Variants in MARCHF1 observed in about 807,000 individuals in gnomAD.
The protein encoded by MARCHF1 is membrane associated ring-CH-type finger 1.
A neutral mutation model predicts 54.2 loss-of-function variants in MARCHF1; 40 were observed. The ratio of observed to expected loss-of-function variants is 0.74; its 90% CI spans 0.57 to 0.96. The LOEUF is 0.96. Among genes scored for constraint, MARCHF1 ranks in the 40% least tolerant of loss-of-function variants. MARCHF1 has a pLI of 0.00. For synonymous variants in MARCHF1, 236 were observed against 236.3 expected, an observed-to-expected ratio of 1.00 and a Z score of 0.01; for missense variants, 586 against 656.5, an observed-to-expected ratio of 0.89 and a Z score of 1.17.
chr4:164,225,545 A>G (rs1732227736), intron 1 of MARCHF1, among the ~76,000 whole-genome samples: 1 of 152,078 alleles, frequency 6.6e-6, no homozygotes, highest in South Asian at 2.1e-4. Context: ...CTTTTAGGTC[A>G]TCCTACAGTG....
At chr4:164,374,815 T>C (rs750138722) in intron 1 of MARCHF1, among the ~76,000 whole-genome samples, 5 of 152,126 alleles carry the variant, frequency 3.3e-5, no homozygotes, top group African/African-American at 7.2e-5. Flanking sequence ...AAATAAGACA[T>C]ACTCATGAGG....
chr4:164,006,398 G>A (rs998241164), intron 2 of MARCHF1, among the ~76,000 whole-genome samples: 1 of 151,952 alleles, frequency 6.6e-6, no homozygotes, highest in Non-Finnish European at 1.5e-5. Context: ...TTGAAGACTA[G>A]CTATGTGAAA....
rs564397441 is a variant in MARCHF1 at position 163,623,011 on chromosome 4, A to T, written c.163-9618T>A. Among the ~76,000 whole-genome samples the T allele has an allele frequency of 3.0e-4, 46 of 152,266 alleles. No homozygotes were observed. In the East Asian group the frequency reaches 6.4e-3, roughly 21 times the overall value. Reference sequence around the variant, plus strand: ...CAGGAGACATTTCCTACTGAAACATACAGTTGGAAAGAGAGTTGGAATAAT... The same window carrying T: ...CAGGAGACATTTCCTACTGAAACATTCAGTTGGAAAGAGAGTTGGAATAAT... On this transcript the variant is annotated intron_variant, in intron 5 of 9. Transcript: ENST00000514618.
chr4:164,300,319 G>T (rs1394069959), intron 1 of MARCHF1, among the ~76,000 whole-genome samples: 1 of 152,046 alleles, frequency 6.6e-6, no homozygotes, highest in Non-Finnish European at 1.5e-5. Context: ...ATACTTATGG[G>T]AGTTTATTTC....
intron 1 of MARCHF1, among the ~76,000 whole-genome samples, chr4:164,214,754 G>A (rs1731879091): frequency 6.6e-6 from 1 of 152,116 alleles, no homozygotes; most frequent in Non-Finnish European, 1.5e-5. Flanking sequence ...ACTCAATAAT[G>A]CCTATAATGT....
chr4:163,598,735 G>A (rs572976445), intron 7 of MARCHF1, among the ~76,000 whole-genome samples: 154 of 152,302 alleles, frequency 1.0e-3, no homozygotes, highest in African/African-American at 3.5e-3. Flanking sequence ...GTGAGTAAAC[G>A]TGAAGGCCTA....
chr4:164,108,078 G>T (rs1755746648), intron 2 of MARCHF1, among the ~76,000 whole-genome samples: 1 of 151,820 alleles, frequency 6.6e-6, no homozygotes, highest in Admixed American at 6.6e-5. Flanking sequence ...CAATTTATCA[G>T]AAAGTGATAG....
chr4:163,599,789 G>A (rs964628367), intron 7 of MARCHF1, among the ~76,000 whole-genome samples: 3 of 152,222 alleles, frequency 2.0e-5, no homozygotes, highest in East Asian at 1.9e-4. Context: ...AAAAACTTCC[G>A]AGGTGATTTT....
intron 3 of MARCHF1, among the ~76,000 whole-genome samples, chr4:163,975,229 C>CTTCCTATT (rs1560843964): frequency 6.6e-6 from 1 of 151,416 alleles, no homozygotes. Context: ...CACACACACA[C>CTTCCTATT]TTCCTATTGT....
intron 2 of MARCHF1, among the ~76,000 whole-genome samples, chr4:164,050,723 A>T (rs2111042375): frequency 1.3e-5 from 2 of 152,338 alleles, no homozygotes; most frequent in South Asian, 4.1e-4. Context: ...ACCTGAGGTC[A>T]GGAGTTCGAG....
At chr4:163,885,571 C>G (rs1047226574) in intron 3 of MARCHF1, among the ~76,000 whole-genome samples, 1 of 152,092 alleles carries the variant, frequency 6.6e-6, no homozygotes, top group African/African-American at 2.4e-5. Context: ...TGTCCTCTAT[C>G]ATCAGCAGTG....
At chr4:164,169,115 T>C (rs1348667819) in intron 1 of MARCHF1, among the ~76,000 whole-genome samples, 1 of 152,100 alleles carries the variant, frequency 6.6e-6, no homozygotes, top group Non-Finnish European at 1.5e-5. Context: ...AAAGTAACTA[T>C]GTGAGATAAT....
At chr4:164,191,156 G>T (rs1159234613) in intron 1 of MARCHF1, among the ~76,000 whole-genome samples, 1 of 152,164 alleles carries the variant, frequency 6.6e-6, no homozygotes, top group Admixed American at 6.5e-5. Context: ...ACAAGATTCG[G>T]AGTATGGATT....
chr4:163,918,557 G>A (rs1262994100), intron 3 of MARCHF1, among the ~76,000 whole-genome samples: 1 of 152,050 alleles, frequency 6.6e-6, no homozygotes, highest in Non-Finnish European at 1.5e-5. Context: ...TAGAGATTAA[G>A]TGATGAGGAA....
rs569102108 is a variant in MARCHF1, at chr4:163,700,649, T to A, written c.162+164A>T. ...AGCCTACTTATTTTCTTGCGTAAAA[T>A]CATGTCTTCTTATTACAGTAAAAGC... On this transcript the variant is annotated intron_variant, in intron 5 of 9. Transcript: ENST00000514618. Among the ~76,000 whole-genome samples the A allele has an allele frequency of 7.9e-5, 12 of 152,212 alleles. 1 individual carries two copies. The highest frequency in any genetic ancestry group is 2.6e-4 in the African/African-American group (11 of 41,526).
chr4:163,958,874 T>C (rs1341479850), intron 3 of MARCHF1, among the ~76,000 whole-genome samples: 1 of 151,932 alleles, frequency 6.6e-6, no homozygotes, highest in Non-Finnish European at 1.5e-5. Flanking sequence ...TTCTGGGGCT[T>C]CCGAATCCAG....
chr4:163,932,396 CCTG>C, intron 3 of MARCHF1: 1 of 354,864 alleles, frequency 2.8e-6, no homozygotes, highest in Admixed American at 2.9e-5. Flanking sequence ...CCTTTCAAAC[CCTG>C]CTGCTGCTTT....
chr4:164,159,461 G>A (rs1377277423), intron 1 of MARCHF1, among the ~76,000 whole-genome samples: 2 of 151,870 alleles, frequency 1.3e-5, no homozygotes, highest in Non-Finnish European at 1.5e-5. Flanking sequence ...AAACCAATGG[G>A]TAAAAGACAC....
At chr4:164,002,782 C>T (rs1014068080) in intron 2 of MARCHF1, among the ~76,000 whole-genome samples, 3 of 151,692 alleles carry the variant, frequency 2.0e-5, no homozygotes, top group Admixed American at 6.6e-5. Flanking sequence ...TTTCTGAAAA[C>T]GTTTAACTAA....
Sources: gnomAD v4.1 joint callset for allele counts (sites outside exome capture counted in the v4.1 genomes callset) on GRCh38, gnomAD v4.1.1 for gene constraint, MANE v1.5 for transcripts, NCBI Gene and HGNC (gene_info 2026-07-23, HGNC 2026-07-21) for gene names.